TXLNB: variants seen among roughly 807,000 people sequenced by gnomAD.
The protein encoded by TXLNB is beta-taxilin.
TXLNB carries 37 observed loss-of-function variants against 57.4 expected under a neutral mutation model. The ratio of observed to expected loss-of-function variants is 0.64; its 90% CI spans 0.50 to 0.85. The LOEUF is 0.85. Ranked by LOEUF, TXLNB falls within the 40% of genes least tolerant of loss-of-function variation. The pLI is 0.00. For missense variants in TXLNB, 848 were observed against 825.6 expected, an observed-to-expected ratio of 1.03 and a Z score of -0.33; for synonymous variants, 302 against 309.6, an observed-to-expected ratio of 0.98 and a Z score of 0.26.
chr6:139,242,813 A>G lies in TXLNB; in HGVS notation c.1768T>C (p.Cys590Arg), dbSNP rs1775976372. 1.2e-6 allele frequency: 2 copies of G among 1,613,894 alleles called. No homozygotes were observed. Among genetic ancestry groups the G allele is most frequent in the Admixed American group, 1.7e-5 (1 of 59,996 alleles). Reference sequence around the variant, plus strand: ...TGTGCTCCAACAGGGAGACCCTCGCATTGGGTTTCTGCTCCCAACCCGGCA... The same window carrying G: ...TGTGCTCCAACAGGGAGACCCTCGCGTTGGGTTTCTGCTCCCAACCCGGCA... The part of the protein sequence containing the change: ...SPAGLGAETQ[C>R]EGLPVGAQAD... The change falls in exon 10 of 10, where the codon TGC (cysteine) becomes CGC (arginine). Residue 590 changes from cysteine to arginine, a missense_variant. Coordinates refer to ENST00000358430, the MANE Select transcript of TXLNB (RefSeq NM_153235.4).
At chr6:139,233,707 T>G in the TXLNB span, among the ~76,000 whole-genome samples, 1 of 152,214 alleles carries the variant, frequency 6.6e-6, no homozygotes, top group African/African-American at 2.4e-5. Context: ...ATGAGTCAAT[T>G]AAGCCTCTTT....
chr6:139,272,027 G>A (rs1776777118), intron 3 of TXLNB, among the ~76,000 whole-genome samples: 1 of 152,136 alleles, frequency 6.6e-6, no homozygotes, highest in Non-Finnish European at 1.5e-5. Flanking sequence ...AAGCCATTGG[G>A]GCTGGGCGTG....
At chr6:139,263,681 G>GTTATTC (rs3071177) in intron 4 of TXLNB, among the ~76,000 whole-genome samples, 73,199 of 151,462 alleles carry the variant, frequency 0.48, 21,132 homozygotes, top group African/African-American at 0.82. Flanking sequence ...CTTTGCGATT[G>GTTATTC]TTATTCTTTT....
intron 3 of TXLNB, among the ~76,000 whole-genome samples, chr6:139,273,513 G>A (rs1215338157): frequency 6.6e-6 from 1 of 152,208 alleles, no homozygotes; most frequent in Non-Finnish European, 1.5e-5. Flanking sequence ...CCAGGCTGGA[G>A]TGCAGTGGCA....
the TXLNB span, among the ~76,000 whole-genome samples, chr6:139,174,169 G>T: frequency 2.0e-5 from 3 of 152,292 alleles, no homozygotes; most frequent in Admixed American, 1.3e-4. Context: ...TTTTTAATAT[G>T]CTTGAACTTA....
intron 3 of TXLNB, chr6:139,271,441 C>A (rs1776761405): frequency 6.6e-6 from 1 of 152,144 alleles, no homozygotes; most frequent in African/African-American, 2.4e-5. Context: ...AACCAACTTA[C>A]CGCTGTACTT....
At chr6:139,283,455 A>G (rs1777101393) in intron 2 of TXLNB, among the ~76,000 whole-genome samples, 1 of 144,138 alleles carries the variant, frequency 6.9e-6, no homozygotes, top group Non-Finnish European at 1.5e-5. Context: ...ACATGCCTGT[A>G]ATCCCAGCTA....
chr6:139,165,503 T>C, the TXLNB span, among the ~76,000 whole-genome samples: 4 of 152,168 alleles, frequency 2.6e-5, no homozygotes, highest in African/African-American at 4.8e-5. Flanking sequence ...TATCTGCCAT[T>C]ATAGTATCAC....
chr6:139,311,517 G>A, the TXLNB span, among the ~76,000 whole-genome samples: 1 of 94,532 alleles, frequency 1.1e-5, no homozygotes, highest in African/African-American at 4.1e-5. Flanking sequence ...GGGTGGGGGG[G>A]TGTGCGTGAT....
At position 139,271,443 on chromosome 6, in the gene TXLNB, G is replaced by A. The variant is rs540160339; in HGVS notation, c.517-817C>T. The A allele has an allele frequency of 2.6e-5, 4 of 152,180 alleles. No individual in the cohort carries two copies. The East Asian group carries it at 5.8e-4, about 22-fold the overall frequency. 9.4% of individuals were successfully genotyped at this position (152,180 alleles called of 1,614,324 possible). A position where few individuals can be genotyped will look rare whatever the true frequency, so the allele number is the denominator to read the frequency against. On this transcript the variant is annotated intron_variant, in intron 3 of 9. Coordinates refer to ENST00000358430, the MANE Select transcript of TXLNB (RefSeq NM_153235.4). ...CCTTGGAACATGAAACCAACTTACC[G>A]CTGTACTTTCCATCTTGGATGCTGA...
the TXLNB span, among the ~76,000 whole-genome samples, chr6:139,172,904 G>T: frequency 1.1e-3 from 166 of 152,208 alleles, no homozygotes; most frequent in Non-Finnish European, 2.1e-3. Context: ...CCATACCCTC[G>T]GTTAACTCTT....
the TXLNB span, among the ~76,000 whole-genome samples, chr6:139,199,392 T>C: frequency 6.6e-6 from 1 of 152,222 alleles, no homozygotes; most frequent in Non-Finnish European, 1.5e-5. Flanking sequence ...AAATGTGTTA[T>C]TGAACATTTC....
At chr6:139,211,816 G>A in the TXLNB span, among the ~76,000 whole-genome samples, 1 of 152,180 alleles carries the variant, frequency 6.6e-6, no homozygotes, top group Non-Finnish European at 1.5e-5. Context: ...CACGGCACAA[G>A]AACTACGTGA....
At chr6:139,246,677 G>A (rs1186816101) in intron 8 of TXLNB, among the ~76,000 whole-genome samples, 1 of 152,110 alleles carries the variant, frequency 6.6e-6, no homozygotes, top group African/African-American at 2.4e-5. Context: ...CACTTTGAGA[G>A]GCCGTGGTGG....
the TXLNB span, chr6:139,166,723 C>T: frequency 4.8e-5 from 77 of 1,610,586 alleles, no homozygotes; most frequent in Middle Eastern, 6.6e-4. Context: ...GCCCAAGCCA[C>T]GACCTCCCCC....
Position 139,260,385 on chromosome 6 carries a change from G to A in TXLNB, c.935C>T (p.Ala312Val). ...HRELQQKLVD[A>V]KLEQAQEMMK... is the part of the protein sequence containing the mutation. ...CATTTCTTGGGCCTGCTCAAGCTTTGCATCCACCAGCTTCTGCTGCAGTTC... is the reference window on the plus strand; with the variant it reads ...CATTTCTTGGGCCTGCTCAAGCTTTACATCCACCAGCTTCTGCTGCAGTTC... The change falls in exon 6 of 10, where the codon GCA becomes GTA. Residue 312 changes from alanine to valine, a missense_variant. Ala to Val is a moderately conservative substitution (Grantham distance 64). Coordinates refer to ENST00000358430, the MANE Select transcript of TXLNB (RefSeq NM_153235.4). 1.2e-6 allele frequency: 2 copies of A among 1,614,046 alleles called. No individual in the cohort carries two copies. The highest frequency in any genetic ancestry group is 3.3e-5 in the Admixed American group (2 of 60,020).
the TXLNB span, among the ~76,000 whole-genome samples, chr6:139,316,531 G>A: frequency 6.6e-6 from 1 of 152,000 alleles, no homozygotes; most frequent in East Asian, 1.9e-4. Flanking sequence ...GGCTGTATTT[G>A]GAATTGAGCC....
chr6:139,310,707 T>C, the TXLNB span, among the ~76,000 whole-genome samples: 1 of 152,234 alleles, frequency 6.6e-6, no homozygotes, highest in Admixed American at 6.5e-5. Flanking sequence ...GGTTTGGTTT[T>C]TTTTGAGACA....
At chr6:139,247,476 G>T (rs1431853583) in intron 8 of TXLNB, among the ~76,000 whole-genome samples, 6 of 145,794 alleles carry the variant, frequency 4.1e-5, no homozygotes, top group African/African-American at 1.5e-4. Flanking sequence ...TTCTTAGAAG[G>T]TTATATTTTG....
Sources: gnomAD v4.1 joint callset for allele counts (sites outside exome capture counted in the v4.1 genomes callset) on GRCh38, gnomAD v4.1.1 for gene constraint, MANE v1.5 for transcripts, NCBI Gene and HGNC (gene_info 2026-07-23, HGNC 2026-07-21) for gene names.